The following ITGB5 variants were observed in gnomAD, a reference collection of about 807,000 sequenced individuals.
ITGB5 encodes the protein integrin subunit beta 5.
Under a neutral mutation model 84.8 loss-of-function variants are expected in ITGB5, and 38 were observed. The observed-to-expected ratio is 0.45, with a 90% CI of 0.35 to 0.59. ITGB5 has a LOEUF of 0.59. ITGB5 is among the 20% of genes least tolerant of loss of function. The pLI is 0.01. For missense variants in ITGB5, 905 were observed against 1,034.5 expected (o/e 0.87, Z 1.72); for synonymous variants, 393 against 414.4 (o/e 0.95, Z 0.63).
At chr3:124,860,745 G>C (rs1351656541) in intron 2 of ITGB5, among the ~76,000 whole-genome samples, 1 of 152,138 alleles carries the variant, frequency 6.6e-6, no homozygotes, top group Non-Finnish European at 1.5e-5. Flanking sequence ...CTTCCCTCTG[G>C]AACACTTTGC....
At chr3:124,777,884 G>A (rs1177798989) in intron 10 of ITGB5, among the ~76,000 whole-genome samples, 6 of 152,184 alleles carry the variant, frequency 3.9e-5, no homozygotes, top group East Asian at 1.9e-4. Flanking sequence ...CTCAGCCTGC[G>A]TGCTCAGAGA....
rs2063805492 is a variant in ITGB5 at position 124,769,050 on chromosome 3, T to C, written c.1980A>G (p.Leu660=). ...CCCATGTGATCACCTCATCCCTGCA[T>C]AGGCTGTGGCAGGTCTGGTTGTCAG... ...GKPDNQTCHS[L]CRDEVITWVD... The change falls in exon 12 of 15, where the codon CTA becomes CTG. Residue 660 remains leucine, a synonymous_variant. Transcript: ENST00000296181. 1.2e-6 allele frequency: 2 copies of C among 1,613,830 alleles called. No homozygotes were observed. The highest frequency in any genetic ancestry group is 1.7e-5 in the Admixed American group (1 of 60,006).
At chr3:124,788,422 C>T (rs1048038943) in intron 10 of ITGB5, among the ~76,000 whole-genome samples, 7 of 152,202 alleles carry the variant, frequency 4.6e-5, no homozygotes, top group Non-Finnish European at 1.0e-4. Flanking sequence ...TGGTTTCTGG[C>T]AGCTCTGCCT....
intron 1 of ITGB5, among the ~76,000 whole-genome samples, chr3:124,884,890 A>G (rs947514846): frequency 6.6e-6 from 1 of 152,212 alleles, no homozygotes; most frequent in Non-Finnish European, 1.5e-5. Flanking sequence ...TCCTGAGCCC[A>G]TATGAGAAAA....
chr3:124,826,284 G>A (rs1462093637), intron 5 of ITGB5, among the ~76,000 whole-genome samples: 1 of 152,164 alleles, frequency 6.6e-6, no homozygotes, highest in Non-Finnish European at 1.5e-5. Context: ...CTCCACGCCA[G>A]CTTCTTGAGG....
chr3:124,777,168 C>T (rs1037618675), intron 10 of ITGB5, among the ~76,000 whole-genome samples: 2 of 152,140 alleles, frequency 1.3e-5, no homozygotes, highest in African/African-American at 4.8e-5. Context: ...TGGTGGCTCA[C>T]CAGAGGTCAC....
chr3:124,813,114 C>T (rs1254401306), intron 8 of ITGB5, among the ~76,000 whole-genome samples: 1 of 152,210 alleles, frequency 6.6e-6, no homozygotes, highest in Non-Finnish European at 1.5e-5. Context: ...TGCCCCGGCA[C>T]ACCCCACATG....
chr3:124,799,270 A>G (rs926703496), intron 9 of ITGB5, among the ~76,000 whole-genome samples: 2 of 152,130 alleles, frequency 1.3e-5, no homozygotes, highest in Admixed American at 6.5e-5. Context: ...CACGAATAGG[A>G]TGGGCGTAGT....
chr3:124,889,134 C>T (rs1420802286), upstream of ITGB5, among the ~76,000 whole-genome samples: 1 of 152,204 alleles, frequency 6.6e-6, no homozygotes, highest in Admixed American at 6.5e-5. Context: ...ACAATTTACC[C>T]ACAGGAAATT....
intron 10 of ITGB5, chr3:124,780,776 TC>T (rs2063993852): frequency 1.3e-5 from 2 of 148,222 alleles, no homozygotes. Flanking sequence ...CCCGGCAGTG[TC>T]CCCTCCTCCT....
intron 1 of ITGB5, among the ~76,000 whole-genome samples, chr3:124,874,863 G>C (rs534949476): frequency 6.6e-6 from 1 of 152,238 alleles, no homozygotes; most frequent in Non-Finnish European, 1.5e-5. Flanking sequence ...ACTCAATATG[G>C]TTTAAAACCT....
intron 4 of ITGB5, among the ~76,000 whole-genome samples, chr3:124,842,120 T>C (rs1253916148): frequency 6.6e-6 from 1 of 152,298 alleles, no homozygotes; most frequent in African/African-American, 2.4e-5. Flanking sequence ...TGAAAACATC[T>C]TATCTGCTTC....
intron 10 of ITGB5, among the ~76,000 whole-genome samples, chr3:124,776,885 C>G (rs77810504): frequency 0.16 from 24,949 of 152,056 alleles, 2,231 homozygotes; most frequent in Admixed American, 0.25. Flanking sequence ...GCTGAAGGGC[C>G]TGGGCTTGGG....
rs144095581 is a variant in ITGB5 at position 124,765,923 on chromosome 3, G to A, written c.2137+303C>T. 2.5e-3 allele frequency among the ~76,000 whole-genome samples: 376 copies of A among 152,190 alleles called. 3 individuals are homozygous for A. Among genetic ancestry groups the A allele is most frequent in the African/African-American group, 8.2e-3 (341 of 41,510 alleles). On this transcript the variant is annotated intron_variant, in intron 13 of 14. Transcript: ENST00000296181. ...AACATACAAAAATTAGCCCGGTGTG[G>A]TGGTGCATGCCTGTAGTGCCAGCTG...
At position 124,763,286 on chromosome 3, in the gene ITGB5, G is replaced by T; in HGVS notation, c.*337C>A. 1 of 215,144 alleles carries T rather than the reference G, an allele frequency of 4.6e-6. No homozygotes were observed. Among genetic ancestry groups the T allele is most frequent in the Non-Finnish European group, 9.3e-6 (1 of 107,010 alleles). 13.3% of individuals were successfully genotyped at this position (215,144 alleles called of 1,614,324 possible). On this transcript the variant is annotated 3_prime_UTR_variant, in exon 15 of 15. Transcript: ENST00000296181. ...CAGTCTTCTTGTCTGGCCAGGCTGG[G>T]GGCCCAGCATTCCTGGAAGGGAGAG...
intron 4 of ITGB5, 144 bp downstream of exon 4, chr3:124,848,165 T>G (rs1277288089): frequency 1.2e-6 from 1 of 860,574 alleles, no homozygotes; most frequent in African/African-American, 1.7e-5. Flanking sequence ...AGAGAATGTA[T>G]GCTTATCATT....
At chr3:124,773,134 T>A (rs1015587965) in intron 11 of ITGB5, among the ~76,000 whole-genome samples, 1 of 152,148 alleles carries the variant, frequency 6.6e-6, no homozygotes, top group Non-Finnish European at 1.5e-5. Context: ...CTCAAACTCC[T>A]GACCTCAAGT....
chr3:124,807,273 A>T (rs1331245194), intron 9 of ITGB5, among the ~76,000 whole-genome samples: 1 of 152,116 alleles, frequency 6.6e-6, no homozygotes, highest in Non-Finnish European at 1.5e-5. Flanking sequence ...TAAATTAGCC[A>T]GGTGTGGTGG....
chr3:124,773,974 C>T, intron 10 of ITGB5, 62 bp from the exon 11 acceptor site: 1 of 1,449,738 alleles, frequency 6.9e-7, no homozygotes, highest in Non-Finnish European at 9.6e-7. Context: ...ACATAACCAT[C>T]TGGTGCCCCA....
Sources: gnomAD v4.1 joint callset for allele counts (sites outside exome capture counted in the v4.1 genomes callset) on GRCh38, gnomAD v4.1.1 for gene constraint, MANE v1.5 for transcripts, NCBI Gene and HGNC (gene_info 2026-07-23, HGNC 2026-07-21) for gene names.